Variants in FAM178B observed in about 807,000 individuals in gnomAD.
FAM178B encodes family with sequence similarity 178 member B.
A neutral mutation model predicts 91.7 loss-of-function variants in FAM178B; 82 were observed. That is an observed-to-expected ratio of 0.89 (90% CI 0.75 to 1.07). The LOEUF is 1.07. FAM178B is among the 50% of genes least tolerant of loss of function. The probability of loss-of-function intolerance (pLI) is 0.00; values close to 1 mark genes in which losing one functional copy is unlikely to be tolerated. For missense variants in FAM178B, 769 were observed against 846.7 expected (o/e 0.91, Z 1.14); for synonymous variants, 368 against 359.4 (o/e 1.02, Z -0.27).
intron 12 of FAM178B, among the ~76,000 whole-genome samples, chr2:96,916,155 T>C (rs2081237998): frequency 6.6e-6 from 1 of 152,204 alleles, no homozygotes; most frequent in African/African-American, 2.4e-5. Flanking sequence ...GAAAACGATC[T>C]AGCTTTTTGA....
Position 96,877,970 on chromosome 2 carries a change from T to C in FAM178B, c.1927A>G (p.Met643Val), listed in dbSNP as rs1200262223. 6.2e-7 allele frequency: 1 copy of C among 1,613,774 alleles called. No individual in the cohort carries two copies. Among genetic ancestry groups the C allele is most frequent in the Non-Finnish European group, 8.5e-7 (1 of 1,180,008 alleles). The change falls in exon 16 of 17, where the codon ATG becomes GTG. Residue 643 changes from methionine to valine, a missense_variant. Transcript: ENST00000490605. ...AGGTCCTTGAGCATGGTGCGGTGCA[T>C]GGCCTGGGGGCTCTCCCGGATCTGC... Reference protein sequence around the residue: ...STQIRESPQAMHRTMLKDLAT... With the variant: ...STQIRESPQAVHRTMLKDLAT...
intron 12 of FAM178B, among the ~76,000 whole-genome samples, chr2:96,903,104 A>G (rs1299622597): frequency 6.6e-6 from 1 of 152,174 alleles, no homozygotes; most frequent in African/African-American, 2.4e-5. Context: ...CAGTGGCACA[A>G]TCTCGGCTCA....
intron 3 of FAM178B, 44 bp from the exon 4 acceptor site, chr2:96,970,821 AAGAT>A (rs2082207590): frequency 1.5e-6 from 2 of 1,351,434 alleles, no homozygotes; most frequent in African/African-American, 2.9e-5. Context: ...GAGAAGTACA[AAGAT>A]AGAGGAGAAA....
chr2:96,933,703 G>A (rs1030392743), intron 8 of FAM178B, among the ~76,000 whole-genome samples: 2 of 152,174 alleles, frequency 1.3e-5, no homozygotes, highest in Admixed American at 1.3e-4. Flanking sequence ...AATGAGCTCT[G>A]CTGGGTGGCT....
intron 1 of FAM178B, among the ~76,000 whole-genome samples, chr2:96,974,703 A>T (rs767701924): frequency 4.6e-5 from 7 of 152,202 alleles, no homozygotes; most frequent in Non-Finnish European, 1.0e-4. Context: ...AAGCTCGGGT[A>T]GTTACACTAA....
chr2:96,970,807 G>A (rs781289469), intron 3 of FAM178B, 30 bp from the exon 4 acceptor site: 29 of 1,469,456 alleles, frequency 2.0e-5, no homozygotes, highest in African/African-American at 9.8e-5. Context: ...GAATGAGGAC[G>A]ACAGAGAAGT....
chr2:96,969,694 C>T (rs2082191458), intron 4 of FAM178B, among the ~76,000 whole-genome samples: 1 of 152,226 alleles, frequency 6.6e-6, no homozygotes, highest in Non-Finnish European at 1.5e-5. Flanking sequence ...GGTCCCTTCC[C>T]TAACGTACAA....
intron 8 of FAM178B, among the ~76,000 whole-genome samples, chr2:96,944,579 G>A (rs916301314): frequency 1.3e-5 from 2 of 152,224 alleles, no homozygotes; most frequent in East Asian, 3.8e-4. Flanking sequence ...AGAGGAAGTA[G>A]TGAGAAGACA....
intron 1 of FAM178B, among the ~76,000 whole-genome samples, chr2:96,978,295 A>T (rs962021836): frequency 6.6e-6 from 1 of 152,204 alleles, no homozygotes; most frequent in East Asian, 1.9e-4. Context: ...TCACACACAC[A>T]TTTTTAAAAA....
chr2:96,895,219 C>T (rs1248090715), intron 13 of FAM178B: 7 of 728,512 alleles, frequency 9.6e-6, no homozygotes, highest in Non-Finnish European at 1.4e-5. Context: ...TAAGGATTTC[C>T]CCCCAATCTA....
intron 12 of FAM178B, among the ~76,000 whole-genome samples, chr2:96,907,780 C>G (rs903914539): frequency 6.6e-6 from 1 of 152,210 alleles, no homozygotes; most frequent in South Asian, 2.1e-4. Flanking sequence ...GCTGGGATGT[C>G]GGGCAGTGAC....
chr2:96,950,351 C>A (rs1409560636), intron 7 of FAM178B, among the ~76,000 whole-genome samples: 3 of 152,186 alleles, frequency 2.0e-5, no homozygotes, highest in Non-Finnish European at 4.4e-5. Context: ...ACAAGGTTAG[C>A]AGCTACATAC....
intron 9 of FAM178B, among the ~76,000 whole-genome samples, chr2:96,926,217 C>T (rs1162556780): frequency 8.5e-5 from 13 of 152,264 alleles, no homozygotes; most frequent in East Asian, 3.9e-4. Context: ...GCAGGAGAAT[C>T]GCTTTAACCC....
chr2:96,922,618 A>G (rs1329011868), intron 10 of FAM178B, among the ~76,000 whole-genome samples: 1 of 151,728 alleles, frequency 6.6e-6, no homozygotes, highest in African/African-American at 2.4e-5. Flanking sequence ...CCAAAGTGCT[A>G]AGATTACAGG....
At chr2:96,954,494 C>T (rs138601117) in intron 6 of FAM178B, among the ~76,000 whole-genome samples, 18 of 152,360 alleles carry the variant, frequency 1.2e-4, no homozygotes, top group South Asian at 4.1e-4. Context: ...TGTTCCTTAT[C>T]ACACCCAAGG....
intron 8 of FAM178B, among the ~76,000 whole-genome samples, chr2:96,944,059 A>G (rs2081778968): frequency 6.6e-6 from 1 of 152,060 alleles, no homozygotes; most frequent in Non-Finnish European, 1.5e-5. Context: ...ACTGGCCAAC[A>G]TGGTGAAACC....
intron 14 of FAM178B, among the ~76,000 whole-genome samples, chr2:96,889,705 T>TAAAC (rs917961770): frequency 3.1e-5 from 4 of 130,902 alleles, no homozygotes; most frequent in African/African-American, 1.1e-4. Flanking sequence ...AATAAATAAA[T>TAAAC]AAATAAATAA....
chr2:96,905,848 ATATATATATATATTTTTTTTTTTTT>A (rs1376260233), intron 12 of FAM178B, among the ~76,000 whole-genome samples: 73 of 26,462 alleles, frequency 2.8e-3, no homozygotes, highest in African/African-American at 0.012. Flanking sequence ...ATATATATAT[ATATATATATATATTTTTTTTTTTTT>A]TTTTTTTTTT....
chr2:96,918,114 T>G (rs2081272311), intron 12 of FAM178B, among the ~76,000 whole-genome samples: 1 of 141,920 alleles, frequency 7.0e-6, no homozygotes, highest in Admixed American at 7.3e-5. Context: ...CTCTGCATTA[T>G]CCATAAAACT....
Sources: allele counts gnomAD v4.1 joint callset (sites outside exome capture counted in the v4.1 genomes callset), GRCh38; gene constraint gnomAD v4.1.1; transcripts MANE v1.5; gene names NCBI Gene and HGNC (gene_info 2026-07-23, HGNC 2026-07-21).